Variants in SHANK2 observed in about 807,000 individuals in gnomAD.
SHANK2 encodes the protein SH3 and multiple ankyrin repeat domains 2.
SHANK2 carries 43 observed loss-of-function variants against 133.7 expected under a neutral mutation model. That is an observed-to-expected ratio of 0.32 (90% CI 0.25 to 0.41). The LOEUF is 0.41. Among genes scored for constraint, SHANK2 ranks in the 10% least tolerant of loss-of-function variants. The pLI, the probability that SHANK2 is intolerant of heterozygous loss-of-function variation, is 1.00. For missense variants in SHANK2, 1,994 were observed against 2,235.8 expected, an observed-to-expected ratio of 0.89 and a Z score of 2.18; for synonymous variants, 1,017 against 952.8, an observed-to-expected ratio of 1.07 and a Z score of -1.24.
chr11:70,881,827 C>T (rs1949665315), intron 11 of SHANK2, among the ~76,000 whole-genome samples: 1 of 151,816 alleles, frequency 6.6e-6, no homozygotes, highest in Admixed American at 6.6e-5. Flanking sequence ...CAGCCTCAAA[C>T]TCCCAGGCTC....
chr11:70,640,040 G>A (rs2061156491), intron 17 of SHANK2, among the ~76,000 whole-genome samples: 2 of 152,242 alleles, frequency 1.3e-5, no homozygotes, highest in Admixed American at 1.3e-4. Flanking sequence ...GAACGTGCAG[G>A]TGCAGCTGGG....
intron 25 of SHANK2, among the ~76,000 whole-genome samples, chr11:70,476,772 A>T (rs1389611639): frequency 6.6e-6 from 1 of 152,218 alleles, no homozygotes; most frequent in Non-Finnish European, 1.5e-5. Context: ...AGCTGACTAC[A>T]TGGTGACTGT....
chr11:71,198,053 G>A (rs546864395), intron 2 of SHANK2, among the ~76,000 whole-genome samples: 3 of 152,156 alleles, frequency 2.0e-5, no homozygotes, highest in African/African-American at 7.2e-5. Context: ...TGCCGTTTCC[G>A]GTCAGCTCCA....
At chr11:70,741,173 A>G (rs1946515593) in intron 14 of SHANK2, among the ~76,000 whole-genome samples, 1 of 133,108 alleles carries the variant, frequency 7.5e-6, no homozygotes, top group African/African-American at 2.6e-5. Flanking sequence ...CTACCCATCC[A>G]TCCATCCATC....
At chr11:71,151,787 A>T (rs1952802496) in intron 2 of SHANK2, among the ~76,000 whole-genome samples, 1 of 125,264 alleles carries the variant, frequency 8.0e-6, no homozygotes, top group African/African-American at 4.4e-5. Context: ...TGGCAAGAGC[A>T]GGCAGAGACC....
chr11:70,644,102 A>G (rs515458), intron 17 of SHANK2, among the ~76,000 whole-genome samples: 49,089 of 152,130 alleles, frequency 0.32, 9,169 homozygotes, highest in African/African-American at 0.52. Context: ...AAGCCCAACT[A>G]TTCAAAAGTT....
chr11:70,627,638 C>G (rs1555000398), intron 17 of SHANK2, among the ~76,000 whole-genome samples: 1 of 152,204 alleles, frequency 6.6e-6, no homozygotes, highest in East Asian at 1.9e-4. Context: ...TTTGGTATAT[C>G]TGCACATATA....
intron 14 of SHANK2, among the ~76,000 whole-genome samples, chr11:70,715,861 A>G (rs1315630017): frequency 6.6e-6 from 1 of 152,134 alleles, no homozygotes; most frequent in Non-Finnish European, 1.5e-5. Context: ...TGGAGTCGCC[A>G]GTGGGGAGGA....
chr11:70,644,527 C>T (rs1255930521), intron 17 of SHANK2, among the ~76,000 whole-genome samples: 8 of 152,326 alleles, frequency 5.3e-5, no homozygotes, highest in South Asian at 2.1e-4. Context: ...GTGGACGCAG[C>T]GACAGGAACT....
chr11:71,196,123 C>T (rs1037842878), intron 2 of SHANK2, among the ~76,000 whole-genome samples: 5 of 152,050 alleles, frequency 3.3e-5, no homozygotes, highest in South Asian at 2.1e-4. Context: ...TTTGAGTCTG[C>T]GGCTGCAGTG....
chr11:71,220,249 CA>C (rs1163018914), intron 2 of SHANK2, among the ~76,000 whole-genome samples: 11 of 150,224 alleles, frequency 7.3e-5, no homozygotes, highest in African/African-American at 2.8e-4. Context: ...CAGAAACAAA[CA>C]AACAAACAAA....
At chr11:70,944,424 C>G (rs1449531481) in intron 10 of SHANK2, among the ~76,000 whole-genome samples, 1 of 152,222 alleles carries the variant, frequency 6.6e-6, no homozygotes, top group African/African-American at 2.4e-5. Flanking sequence ...TCCTCTCCAG[C>G]AGCTTCCTGA....
At chr11:70,794,053 G>A (rs188583944) in intron 14 of SHANK2, among the ~76,000 whole-genome samples, 3 of 152,208 alleles carry the variant, frequency 2.0e-5, no homozygotes, top group Non-Finnish European at 4.4e-5. Context: ...GGTCAAGGCA[G>A]GTGGATCCCT....
intron 17 of SHANK2, among the ~76,000 whole-genome samples, chr11:70,612,562 T>C (rs559816922): frequency 3.3e-5 from 5 of 152,330 alleles, no homozygotes; most frequent in African/African-American, 9.6e-5. Flanking sequence ...CCCTGAAGTA[T>C]GCATACTGTA....
intron 14 of SHANK2, among the ~76,000 whole-genome samples, chr11:70,711,852 C>A (rs1945791562): frequency 6.6e-6 from 1 of 152,250 alleles, no homozygotes; most frequent in Non-Finnish European, 1.5e-5. Flanking sequence ...ACTGACCTTG[C>A]AGGGGAGGGG....
intron 14 of SHANK2, among the ~76,000 whole-genome samples, chr11:70,741,835 G>A (rs1211936532): frequency 1.3e-5 from 2 of 152,198 alleles, no homozygotes; most frequent in Non-Finnish European, 2.9e-5. Context: ...CAACTGGCAA[G>A]GAGTAAGGAA....
At chr11:71,141,816 C>T (rs1163844415) in intron 3 of SHANK2, among the ~76,000 whole-genome samples, 3 of 152,044 alleles carry the variant, frequency 2.0e-5, no homozygotes, top group African/African-American at 7.2e-5. Context: ...ACGGAATTCA[C>T]CCATGCACTA....
At chr11:71,173,665 T>C (rs1555112633) in intron 2 of SHANK2, among the ~76,000 whole-genome samples, 1 of 152,238 alleles carries the variant, frequency 6.6e-6, no homozygotes, top group East Asian at 1.9e-4. Flanking sequence ...CCTCTCAAAA[T>C]TCGTCTTCAC....
At chr11:71,214,885 G>A (rs936524929) in intron 2 of SHANK2, among the ~76,000 whole-genome samples, 18 of 152,212 alleles carry the variant, frequency 1.2e-4, no homozygotes, top group African/African-American at 4.3e-4. Context: ...ACAGCCTTTC[G>A]TTCTGGTCTC....
Sources: gnomAD v4.1 joint callset for allele counts (sites outside exome capture counted in the v4.1 genomes callset) on GRCh38, gnomAD v4.1.1 for gene constraint, MANE v1.5 for transcripts, NCBI Gene and HGNC (gene_info 2026-07-23, HGNC 2026-07-21) for gene names.